MEGF11: variants seen among roughly 807,000 people sequenced by gnomAD.
MEGF11 encodes multiple EGF like domains 11, also known as multiple epidermal growth factor-like domains protein 11.
A neutral mutation model predicts 146.6 loss-of-function variants in MEGF11; 126 were observed. The ratio of observed to expected loss-of-function variants is 0.86; its 90% confidence interval spans 0.74 to 1.00. MEGF11 has a LOEUF of 1.00. Among genes scored for constraint, MEGF11 ranks in the 50% least tolerant of loss-of-function variants. The probability of loss-of-function intolerance (pLI) is 0.00; values close to 1 mark genes in which losing one functional copy is unlikely to be tolerated. For missense variants in MEGF11, 1,509 were observed against 1,521.2 expected (o/e 0.99, Z 0.13); for synonymous variants, 532 against 583.4 (o/e 0.91, Z 1.27).
chr15:65,973,304 G>A (rs2081355395), intron 7 of MEGF11, among the ~76,000 whole-genome samples: 1 of 152,156 alleles, frequency 6.6e-6, no homozygotes, highest in Non-Finnish European at 1.5e-5. Flanking sequence ...GAAGAGACAG[G>A]CTTCTAAGAA....
chr15:66,243,839 G>C (rs777695662), intron 1 of MEGF11, among the ~76,000 whole-genome samples: 5 of 152,008 alleles, frequency 3.3e-5, no homozygotes, highest in Non-Finnish European at 5.9e-5. Flanking sequence ...GATACACAGG[G>C]GTAAGTCACC....
chr15:66,022,283 T>A (rs1258750585), intron 5 of MEGF11, among the ~76,000 whole-genome samples: 2 of 152,212 alleles, frequency 1.3e-5, no homozygotes, highest in Admixed American at 6.5e-5. Flanking sequence ...TGCAATACAT[T>A]TCCTGCAAAA....
At chr15:66,110,216 T>A (rs1027345406) in intron 4 of MEGF11, among the ~76,000 whole-genome samples, 1 of 152,188 alleles carries the variant, frequency 6.6e-6, no homozygotes, top group Non-Finnish European at 1.5e-5. Flanking sequence ...TTTCAACAAT[T>A]ATTTATTGAG....
chr15:66,069,081 T>G (rs1192044641), intron 5 of MEGF11, among the ~76,000 whole-genome samples: 1 of 152,242 alleles, frequency 6.6e-6, no homozygotes, highest in Non-Finnish European at 1.5e-5. Context: ...CCTCAGCTTC[T>G]GCATCTGCAA....
At chr15:66,128,187 A>T in intron 2 of MEGF11, 119 bp downstream of exon 2, 1 of 562,106 alleles carries the variant, frequency 1.8e-6, no homozygotes, top group Non-Finnish European at 2.9e-6. Context: ...CCATCTCCCC[A>T]GCCAGGCTGC....
chr15:65,992,587 G>A (rs551776346), intron 5 of MEGF11, among the ~76,000 whole-genome samples: 2 of 152,172 alleles, frequency 1.3e-5, no homozygotes, highest in East Asian at 3.9e-4. Flanking sequence ...CCTGCTTTAG[G>A]AGAGAGGAGG....
At chr15:66,048,866 G>A (rs903306206) in intron 5 of MEGF11, among the ~76,000 whole-genome samples, 11 of 152,186 alleles carry the variant, frequency 7.2e-5, no homozygotes, top group African/African-American at 2.4e-4. Context: ...CACTCCACAG[G>A]CATTACCCCC....
chr15:66,170,981 G>A (rs182604180), intron 1 of MEGF11, among the ~76,000 whole-genome samples: 15 of 152,310 alleles, frequency 9.8e-5, no homozygotes, highest in Admixed American at 1.3e-4. Flanking sequence ...TGGATGTGAC[G>A]CCATGTCCTC....
intron 9 of MEGF11, among the ~76,000 whole-genome samples, chr15:65,962,619 A>T (rs1455298748): frequency 6.6e-6 from 1 of 152,124 alleles, no homozygotes; most frequent in Non-Finnish European, 1.5e-5. Context: ...ATGTTTTTTT[A>T]AAAAATAGGG....
intron 1 of MEGF11, among the ~76,000 whole-genome samples, chr15:66,170,236 A>C (rs2090211156): frequency 6.6e-6 from 1 of 152,154 alleles, no homozygotes; most frequent in Non-Finnish European, 1.5e-5. Flanking sequence ...CAGGGTGGTG[A>C]GCTGTGCCTC....
intron 5 of MEGF11, among the ~76,000 whole-genome samples, chr15:66,042,178 T>C (rs964468210): frequency 6.6e-6 from 1 of 150,790 alleles, no homozygotes. Flanking sequence ...TGGTGTGATC[T>C]CAGCTCACTG....
chr15:66,130,107 G>A (rs192510053), intron 1 of MEGF11, among the ~76,000 whole-genome samples: 2 of 152,272 alleles, frequency 1.3e-5, no homozygotes, highest in Admixed American at 1.3e-4. Flanking sequence ...TGGAGTCTGT[G>A]CAATGCCAGG....
At chr15:65,953,077 T>C (rs2080461969) in intron 10 of MEGF11, among the ~76,000 whole-genome samples, 1 of 152,174 alleles carries the variant, frequency 6.6e-6, no homozygotes, top group Non-Finnish European at 1.5e-5. Flanking sequence ...ATCCATCAGG[T>C]ATCCGTGGGT....
intron 12 of MEGF11, 136 bp downstream of exon 12, chr15:65,929,584 A>C: frequency 9.4e-7 from 1 of 1,065,648 alleles, no homozygotes; most frequent in East Asian, 2.6e-5. Flanking sequence ...TAGGACTAGG[A>C]CTGTGACCTA....
chr15:66,132,040 G>T (rs116664122), intron 1 of MEGF11, among the ~76,000 whole-genome samples: 3 of 152,166 alleles, frequency 2.0e-5, no homozygotes, highest in Non-Finnish European at 4.4e-5. Flanking sequence ...GGAAAATGCC[G>T]CCAGGTTGCT....
chr15:65,947,950 T>C (rs1248800998), intron 10 of MEGF11, among the ~76,000 whole-genome samples: 5 of 152,182 alleles, frequency 3.3e-5, no homozygotes, highest in African/African-American at 9.7e-5. Flanking sequence ...AATGTTTATT[T>C]TTTAGAGTAG....
intron 4 of MEGF11, among the ~76,000 whole-genome samples, chr15:66,095,912 G>T (rs1427718322): frequency 6.6e-6 from 1 of 152,214 alleles, no homozygotes; most frequent in African/African-American, 2.4e-5. Flanking sequence ...AACCCAGTGG[G>T]CCTTGACCCC....
intron 5 of MEGF11, among the ~76,000 whole-genome samples, chr15:66,068,995 G>C (rs1056265278): frequency 6.6e-6 from 1 of 152,226 alleles, no homozygotes; most frequent in African/African-American, 2.4e-5. Flanking sequence ...GTGGCAGTGT[G>C]CTTGGTCACT....
intron 15 of MEGF11, among the ~76,000 whole-genome samples, chr15:65,920,677 T>G (rs2079145803): frequency 6.6e-6 from 1 of 152,220 alleles, no homozygotes; most frequent in Admixed American, 6.5e-5. Context: ...AGAAAACATC[T>G]GGTTATATTT....
Sources: allele counts gnomAD v4.1 joint callset (sites outside exome capture counted in the v4.1 genomes callset), GRCh38; gene constraint gnomAD v4.1.1; transcripts MANE v1.5; gene names NCBI Gene and HGNC (gene_info 2026-07-23, HGNC 2026-07-21).